LRMDA: variants seen among roughly 807,000 people sequenced by gnomAD.
LRMDA encodes the protein leucine rich melanocyte differentiation associated.
Under a neutral mutation model 29.8 loss-of-function variants are expected in LRMDA, and 18 were observed. The observed-to-expected ratio is 0.60, with a 90% CI of 0.42 to 0.90. The LOEUF (loss-of-function observed/expected upper bound fraction) is 0.90, where lower values mean the gene tolerates loss of function less well. Ranked by LOEUF, LRMDA falls within the 40% of genes least tolerant of loss-of-function variation. LRMDA has a pLI of 0.00. For missense variants in LRMDA, 273 were observed against 273.9 expected, an observed-to-expected ratio of 1.00 and a Z score of 0.02; for synonymous variants, 125 against 109.4, an observed-to-expected ratio of 1.14 and a Z score of -0.89.
intron 2 of LRMDA, among the ~76,000 whole-genome samples, chr10:75,648,857 T>A (rs570174615): frequency 6.6e-6 from 1 of 152,212 alleles, no homozygotes; most frequent in South Asian, 2.1e-4. Flanking sequence ...TATTCCCATA[T>A]CAAAAATGAA....
intron 2 of LRMDA, among the ~76,000 whole-genome samples, chr10:75,871,566 C>T (rs967244054): frequency 2.0e-5 from 3 of 152,076 alleles, no homozygotes; most frequent in African/African-American, 7.2e-5. Context: ...GTTGGATTTT[C>T]CTCCTCCCCT....
intron 6 of LRMDA, among the ~76,000 whole-genome samples, chr10:76,484,108 C>G (rs1344402026): frequency 6.6e-6 from 1 of 151,464 alleles, no homozygotes; most frequent in African/African-American, 2.4e-5. Context: ...ATTCCCTTTC[C>G]CTTCTTCTTC....
intron 2 of LRMDA, among the ~76,000 whole-genome samples, chr10:75,814,961 A>G (rs9416093): frequency 0.018 from 2,678 of 152,324 alleles, 42 homozygotes; most frequent in Middle Eastern, 0.075. Context: ...AATATCTTCC[A>G]AAACAACAGA....
At chr10:76,112,200 C>T (rs1371985568) in intron 5 of LRMDA, among the ~76,000 whole-genome samples, 1 of 152,158 alleles carries the variant, frequency 6.6e-6, no homozygotes, top group Non-Finnish European at 1.5e-5. Context: ...CTCCTTCTAG[C>T]GGCGAGGAAT....
At chr10:76,144,197 A>G (rs924750406) in intron 5 of LRMDA, among the ~76,000 whole-genome samples, 7 of 152,080 alleles carry the variant, frequency 4.6e-5, no homozygotes, top group Non-Finnish European at 8.8e-5. Flanking sequence ...TTCCATATGA[A>G]CTTTAAAGTA....
At chr10:76,156,905 G>C (rs988580961) in intron 5 of LRMDA, among the ~76,000 whole-genome samples, 1 of 152,280 alleles carries the variant, frequency 6.6e-6, no homozygotes, top group Admixed American at 6.5e-5. Flanking sequence ...TCCCTGTTGT[G>C]TTAGGTATGC....
chr10:75,972,597 G>C (rs779206736), intron 2 of LRMDA, among the ~76,000 whole-genome samples: 1 of 152,048 alleles, frequency 6.6e-6, no homozygotes, highest in African/African-American at 2.4e-5. Flanking sequence ...AGTCGTTTCA[G>C]AGGCAGCCGT....
At chr10:76,215,166 C>T (rs1391395244) in intron 5 of LRMDA, among the ~76,000 whole-genome samples, 1 of 152,186 alleles carries the variant, frequency 6.6e-6, no homozygotes, top group Non-Finnish European at 1.5e-5. Flanking sequence ...AGCTGTTTCT[C>T]TCATCAGTTT....
intron 5 of LRMDA, among the ~76,000 whole-genome samples, chr10:76,219,393 A>G (rs541956897): frequency 5.3e-5 from 8 of 152,204 alleles, no homozygotes; most frequent in Admixed American, 1.3e-4. Context: ...AGACACACAT[A>G]GGCTCAAAAT....
chr10:76,115,907 A>C (rs1655369606), intron 5 of LRMDA, among the ~76,000 whole-genome samples: 1 of 152,138 alleles, frequency 6.6e-6, no homozygotes, highest in Non-Finnish European at 1.5e-5. Context: ...CCAAGCAGGC[A>C]CAGAGATCAT....
chr10:75,692,247 T>TATATATATATATAC (rs1491551304), intron 2 of LRMDA, among the ~76,000 whole-genome samples: 3 of 131,724 alleles, frequency 2.3e-5, no homozygotes, highest in African/African-American at 8.7e-5. Flanking sequence ...TATATATATA[T>TATATATATATATAC]ACATATATAT....
chr10:75,532,056 G>GAAAAAAAA (rs60697116), intron 2 of LRMDA, among the ~76,000 whole-genome samples: 1,134 of 94,558 alleles, frequency 0.012, no homozygotes, highest in Non-Finnish European at 0.013. Flanking sequence ...AAGAAAGAAA[G>GAAAAAAAA]AAAAAAAAAA....
chr10:75,792,623 T>C (rs935148769), intron 2 of LRMDA, among the ~76,000 whole-genome samples: 7 of 152,274 alleles, frequency 4.6e-5, no homozygotes, highest in South Asian at 4.2e-4. Flanking sequence ...CCTGTATGCC[T>C]GCAGTGGCGA....
chr10:75,988,868 T>C (rs1412415083), intron 2 of LRMDA, among the ~76,000 whole-genome samples: 2 of 152,144 alleles, frequency 1.3e-5, no homozygotes, highest in African/African-American at 4.8e-5. Context: ...TTGGATGTCT[T>C]TTTCCTTGAT....
rs554647451 is a variant in LRMDA at position 75,527,958 on chromosome 10, G to GT, written c.131+89472dup. ...GCCACCATACCCTGCTAATTTTTGTGTTTTTTTTGTAGAGACAGGGTTTCG... is the reference window on the plus strand; with the variant it reads ...GCCACCATACCCTGCTAATTTTTGTGTTTTTTTTTGTAGAGACAGGGTTTCG... On this transcript the variant is annotated intron_variant, in intron 2 of 6. Coordinates refer to ENST00000611255, the MANE Select transcript of LRMDA (RefSeq NM_001305581.2). 3.9e-3 allele frequency among the ~76,000 whole-genome samples: 588 copies of GT among 151,234 alleles called. 2 individuals carry two copies. The highest frequency in any genetic ancestry group is 8.1e-3 in the Admixed American group (122 of 15,148).
intron 2 of LRMDA, among the ~76,000 whole-genome samples, chr10:75,752,529 A>G (rs1842981488): frequency 6.6e-6 from 1 of 152,156 alleles, no homozygotes; most frequent in Non-Finnish European, 1.5e-5. Flanking sequence ...TTTAAACATC[A>G]ATTTATTGAA....
intron 2 of LRMDA, among the ~76,000 whole-genome samples, chr10:75,646,475 T>G (rs375558075): frequency 6.6e-6 from 1 of 152,232 alleles, no homozygotes; most frequent in African/African-American, 2.4e-5. Context: ...TCAAAATTCA[T>G]GTGGCCTCCG....
At chr10:75,553,730 T>C (rs1193443877) in intron 2 of LRMDA, among the ~76,000 whole-genome samples, 1 of 152,144 alleles carries the variant, frequency 6.6e-6, no homozygotes, top group African/African-American at 2.4e-5. Flanking sequence ...AAGGAGGAAG[T>C]GGCTTCCTCC....
At chr10:76,375,740 C>T (rs11001758) in intron 6 of LRMDA, among the ~76,000 whole-genome samples, 19,800 of 100,884 alleles carry the variant, frequency 0.2, 2,491 homozygotes, top group African/African-American at 0.4. Flanking sequence ...TTTTTTTTTT[C>T]GGGGGGAGAG....
Sources: allele counts gnomAD v4.1 joint callset (sites outside exome capture counted in the v4.1 genomes callset), GRCh38; gene constraint gnomAD v4.1.1; transcripts MANE v1.5; gene names NCBI Gene and HGNC (gene_info 2026-07-23, HGNC 2026-07-21).